The following TAFA1 variants were observed in gnomAD, a reference collection of about 807,000 sequenced individuals.
The protein encoded by TAFA1 is chemokine-like protein TAFA-1.
Under a neutral mutation model 18.5 loss-of-function variants are expected in TAFA1, and 4 were observed. The ratio of observed to expected loss-of-function variants is 0.22; its 90% CI spans 0.11 to 0.49. TAFA1 has a LOEUF of 0.49. TAFA1 is among the 20% of genes least tolerant of loss of function. The probability of loss-of-function intolerance (pLI) is 0.98; values close to 1 mark genes in which losing one functional copy is unlikely to be tolerated. For synonymous variants in TAFA1, 56 were observed against 55.2 expected, an observed-to-expected ratio of 1.01 and a Z score of -0.06; for missense variants, 147 against 169.0, an observed-to-expected ratio of 0.87 and a Z score of 0.72.
chr3:68,231,106 C>A (rs544469354), intron 2 of TAFA1, among the ~76,000 whole-genome samples: 3 of 152,014 alleles, frequency 2.0e-5, no homozygotes, highest in African/African-American at 7.2e-5. Flanking sequence ...GTGTATGTTC[C>A]TGTATTTATA....
chr3:68,416,162 A>C (rs539553837), intron 2 of TAFA1, among the ~76,000 whole-genome samples: 1 of 152,278 alleles, frequency 6.6e-6, no homozygotes, highest in Admixed American at 6.5e-5. Context: ...CCACCACTGC[A>C]CTGAGGATCT....
chr3:68,209,890 T>G (rs1232145336), intron 2 of TAFA1, among the ~76,000 whole-genome samples: 1 of 151,976 alleles, frequency 6.6e-6, no homozygotes, highest in African/African-American at 2.4e-5. Flanking sequence ...TTCAAATCTA[T>G]AGATGTGGAG....
At position 68,534,162 on chromosome 3, in the gene TAFA1, G is replaced by A. The variant is rs116028385; in HGVS notation, c.260-4594G>A. On this transcript the variant is annotated intron_variant, in intron 3 of 4. Coordinates refer to ENST00000478136, the MANE Select transcript of TAFA1 (RefSeq NM_213609.4). ...GTGAACTAAAGAACAGATGCAAACA[G>A]CTTTTCTCTGAAGCCCCCACCTTGT... Among the ~76,000 whole-genome samples, 1,192 of 152,246 alleles carry A rather than the reference G, an allele frequency of 7.8e-3. 17 individuals are homozygous for A. Among genetic ancestry groups the A allele is most frequent in the African/African-American group, 0.027 (1,107 of 41,540 alleles).
chr3:68,364,506 G>A (rs539482706), intron 2 of TAFA1, among the ~76,000 whole-genome samples: 3 of 152,262 alleles, frequency 2.0e-5, no homozygotes, highest in Admixed American at 1.3e-4. Flanking sequence ...TAATTAAAGA[G>A]GGTAAAGATA....
At chr3:68,070,841 C>A (rs920584033) in intron 2 of TAFA1, among the ~76,000 whole-genome samples, 1 of 152,186 alleles carries the variant, frequency 6.6e-6, no homozygotes, top group Non-Finnish European at 1.5e-5. Flanking sequence ...TACCAAGTAT[C>A]ACCTTCTCCA....
intron 2 of TAFA1, among the ~76,000 whole-genome samples, chr3:68,187,045 A>C (rs1471622382): frequency 6.6e-6 from 1 of 151,902 alleles, no homozygotes; most frequent in Non-Finnish European, 1.5e-5. Flanking sequence ...TCCTAGTTTC[A>C]AGCTGAACTT....
intron 2 of TAFA1, among the ~76,000 whole-genome samples, chr3:68,388,539 G>C (rs184217940): frequency 2.0e-4 from 31 of 151,460 alleles, no homozygotes; most frequent in South Asian, 2.1e-4. Context: ...GCTGTATTCA[G>C]CTCATTTTGC....
chr3:68,502,116 G>A (rs1398067), intron 3 of TAFA1, among the ~76,000 whole-genome samples: 30,820 of 151,992 alleles, frequency 0.2, 3,222 homozygotes, highest in Middle Eastern at 0.24. Context: ...GACGTAGTTT[G>A]ATTTACTTTT....
At chr3:68,389,853 G>C (rs2106706084) in intron 2 of TAFA1, among the ~76,000 whole-genome samples, 1 of 152,264 alleles carries the variant, frequency 6.6e-6, no homozygotes, top group Non-Finnish European at 1.5e-5. Context: ...TTTTCCCAAA[G>C]TCTTTGCAAC....
At chr3:68,016,238 T>C (rs1246093693) in intron 2 of TAFA1, among the ~76,000 whole-genome samples, 2 of 152,210 alleles carry the variant, frequency 1.3e-5, no homozygotes. Context: ...ATATTTTATC[T>C]ATATTCCTAT....
chr3:68,076,752 A>G (rs2106762516), intron 2 of TAFA1, among the ~76,000 whole-genome samples: 2 of 152,400 alleles, frequency 1.3e-5, no homozygotes, highest in South Asian at 4.1e-4. Flanking sequence ...ATTGTGAATA[A>G]TGCCGCAATA....
At position 68,273,305 on chromosome 3, in the gene TAFA1, C is replaced by T. The variant is rs77846014; in HGVS notation, c.119-143975C>T. 2.5e-3 allele frequency among the ~76,000 whole-genome samples: 387 copies of T among 152,214 alleles called. 2 individuals carry two copies. The highest frequency in any genetic ancestry group is 8.6e-3 in the African/African-American group (356 of 41,552). On this transcript the variant is annotated intron_variant, in intron 2 of 4. Coordinates refer to ENST00000478136, the MANE Select transcript of TAFA1 (RefSeq NM_213609.4). ...CCAGCATGGCTAAACTTTAGCAAGT[C>T]GGGGACAGTGGTAGAAGTTGCAGTT...
chr3:68,017,790 T>A (rs946990161), intron 2 of TAFA1, among the ~76,000 whole-genome samples: 3 of 152,246 alleles, frequency 2.0e-5, no homozygotes, highest in African/African-American at 7.2e-5. Context: ...AGTCCTCGCC[T>A]GATTCTTCTC....
At chr3:68,311,953 T>A (rs1482507907) in intron 2 of TAFA1, among the ~76,000 whole-genome samples, 1 of 152,226 alleles carries the variant, frequency 6.6e-6, no homozygotes. Flanking sequence ...ATCCAGGCAT[T>A]TCCATACATC....
At chr3:68,051,576 G>A (rs983634522) in intron 2 of TAFA1, among the ~76,000 whole-genome samples, 2 of 151,972 alleles carry the variant, frequency 1.3e-5, no homozygotes, top group African/African-American at 4.8e-5. Flanking sequence ...TACAATAAAG[G>A]CTTACCTGGC....
chr3:68,497,252 T>C (rs1046841116), intron 3 of TAFA1, among the ~76,000 whole-genome samples: 2 of 152,184 alleles, frequency 1.3e-5, no homozygotes, highest in African/African-American at 2.4e-5. Context: ...TTTAATTCTT[T>C]AACATATGTC....
chr3:68,513,352 T>C (rs1006141131), intron 3 of TAFA1, among the ~76,000 whole-genome samples: 1 of 152,172 alleles, frequency 6.6e-6, no homozygotes, highest in Non-Finnish European at 1.5e-5. Flanking sequence ...AATGTTCTAT[T>C]CTGTATCATT....
intron 3 of TAFA1, among the ~76,000 whole-genome samples, chr3:68,461,884 G>A (rs1402247537): frequency 6.6e-6 from 1 of 152,062 alleles, no homozygotes; most frequent in Non-Finnish European, 1.5e-5. Flanking sequence ...AATACCTTTG[G>A]AGAAAAGAAA....
chr3:68,303,744 C>T (rs186315260), intron 2 of TAFA1, among the ~76,000 whole-genome samples: 6 of 152,144 alleles, frequency 3.9e-5, no homozygotes, highest in East Asian at 1.9e-4. Context: ...CCACCGTGCC[C>T]GGCCTGAAAA....
Sources: allele counts gnomAD v4.1 joint callset (sites outside exome capture counted in the v4.1 genomes callset), GRCh38; gene constraint gnomAD v4.1.1; transcripts MANE v1.5; gene names NCBI Gene and HGNC (gene_info 2026-07-23, HGNC 2026-07-21).